KIRREL3: variants seen among roughly 807,000 people sequenced by gnomAD.
KIRREL3 encodes the protein kirre like nephrin family adhesion molecule 3.
KIRREL3 carries 36 observed loss-of-function variants against 89.7 expected under a neutral mutation model. The observed-to-expected ratio is 0.40, with a 90% CI of 0.31 to 0.53. KIRREL3 has a LOEUF of 0.53. KIRREL3 is among the 20% of genes least tolerant of loss of function. The pLI is 0.49. For missense variants in KIRREL3, 864 were observed against 1,056.6 expected (o/e 0.82, Z 2.53); for synonymous variants, 445 against 441.4 (o/e 1.01, Z -0.10).
At position 126,498,499 on chromosome 11, in the gene KIRREL3, G is replaced by T. The variant is rs1018582627; in HGVS notation, c.433+22816C>A. Among the ~76,000 whole-genome samples the T allele has an allele frequency of 2.0e-5, 3 of 152,188 alleles. No homozygotes were observed. The highest frequency in any genetic ancestry group is 6.5e-5 in the Admixed American group (1 of 15,286). ...TGTCTGTCAGGTAAGGGGTGGCAGCGAGAGATAATTATAATCAGATCTAAT... is the reference window on the plus strand; with the variant it reads ...TGTCTGTCAGGTAAGGGGTGGCAGCTAGAGATAATTATAATCAGATCTAAT... On this transcript the variant is annotated intron_variant, in intron 4 of 16. Coordinates refer to ENST00000525144, the MANE Select transcript of KIRREL3 (RefSeq NM_032531.4). The surrounding 1 kb of genome is among the most constrained non-coding windows in gnomAD (Gnocchi z 4.3).
rs934714674 is a variant in KIRREL3 at position 126,719,288 on chromosome 11, G to A, written c.56-156376C>T. ...GGTCAACTCCTTGTTGACACAAATG[G>A]CCAGCTCTTCTGTTTGAACGCCTTC... On this transcript the variant is annotated intron_variant, in intron 1 of 16. Transcript: ENST00000525144. This position sits in a 1 kb window ranked among gnomAD's most constrained non-coding sequence, Gnocchi z 4.7. 6.6e-6 allele frequency among the ~76,000 whole-genome samples: 1 copy of A among 152,168 alleles called. No homozygotes were observed. The highest frequency in any genetic ancestry group is 1.5e-5 in the Non-Finnish European group (1 of 68,040).
intron 1 of KIRREL3, among the ~76,000 whole-genome samples, chr11:126,880,538 G>C (rs1945457431): frequency 6.6e-6 from 1 of 152,032 alleles, no homozygotes; most frequent in Non-Finnish European, 1.5e-5. Flanking sequence ...AGATGTCATT[G>C]TGAAAAGCAT....
At chr11:126,450,715 G>T (rs1239661637) in intron 7 of KIRREL3, among the ~76,000 whole-genome samples, 1 of 149,164 alleles carries the variant, frequency 6.7e-6, no homozygotes, top group Non-Finnish European at 1.5e-5. Flanking sequence ...GTGCGAGTTT[G>T]TGCATGTGTG....
At position 126,996,607 on chromosome 11, in the gene KIRREL3, G is replaced by A. The variant is rs79254290; in HGVS notation, c.55+3848C>T. Among the ~76,000 whole-genome samples the A allele has an allele frequency of 6.6e-6, 1 of 152,126 alleles. No homozygotes were observed. The highest frequency in any genetic ancestry group is 1.9e-4 in the East Asian group (1 of 5,168). On this transcript the variant is annotated intron_variant, in intron 1 of 16. Transcript: ENST00000525144. The surrounding 1 kb of genome is among the most constrained non-coding windows in gnomAD (Gnocchi z 4.7). ...CACTCTATTTTACCCTTCTGTCTAC[G>A]AGATGCCTTTCTATTCCCTAGGAGA...
rs536296904 is a variant in KIRREL3, at chr11:126,473,954, C to T, written c.434-488G>A. On this transcript the variant is annotated intron_variant, in intron 4 of 16. Coordinates refer to ENST00000525144, the MANE Select transcript of KIRREL3 (RefSeq NM_032531.4). ...GACTACAAGCACGTGGTACCATGCCCGGCTAATTTTTTTTTTTTTTTGTAT... is the reference window on the plus strand; with the variant it reads ...GACTACAAGCACGTGGTACCATGCCTGGCTAATTTTTTTTTTTTTTTGTAT... 6.9e-4 allele frequency among the ~76,000 whole-genome samples: 90 copies of T among 130,842 alleles called. 1 individual carries two copies. Among genetic ancestry groups the T allele is most frequent in the Non-Finnish European group, 8.7e-4 (56 of 64,326 alleles). The allele number at this position is 130,842 out of a possible 152,430, so 85.8% of individuals were successfully genotyped here. A position where few individuals can be genotyped will look rare whatever the true frequency, so the allele number is the denominator to read the frequency against.
chr11:126,552,664 GA>G (rs1424120335), intron 2 of KIRREL3, among the ~76,000 whole-genome samples: 1 of 139,144 alleles, frequency 7.2e-6, no homozygotes, highest in Non-Finnish European at 1.5e-5. Context: ...GGGTTCAAGT[GA>G]TTCTCCTGCC....
intron 1 of KIRREL3, among the ~76,000 whole-genome samples, chr11:126,806,249 CACA>C (rs1341469768): frequency 1.3e-5 from 2 of 152,190 alleles, no homozygotes; most frequent in East Asian, 3.8e-4. Context: ...CTCATGTGCT[CACA>C]ACAACAATAT....
intron 1 of KIRREL3, among the ~76,000 whole-genome samples, chr11:126,707,669 A>G (rs1947587733): frequency 6.6e-6 from 1 of 152,196 alleles, no homozygotes; most frequent in African/African-American, 2.4e-5. Flanking sequence ...TCAGTCCCGG[A>G]TAGAATGCTT....
chr11:126,451,077 G>A (rs374958128), intron 7 of KIRREL3, among the ~76,000 whole-genome samples: 1,708 of 149,602 alleles, frequency 0.011, 33 homozygotes, highest in African/African-American at 0.039. Context: ...GTGCATGTGT[G>A]TGCGTGTGTG....
intron 4 of KIRREL3, among the ~76,000 whole-genome samples, chr11:126,493,728 C>T (rs1456124689): frequency 6.6e-6 from 1 of 151,468 alleles, no homozygotes; most frequent in African/African-American, 2.4e-5. Context: ...TTCCCTACAG[C>T]CCCCCTCACC....
In KIRREL3 at chr11:126,955,260, A is replaced by G. The variant is rs1948888563; in HGVS notation, c.55+45195T>C. ...TAACCCTGAAAGAAAGTATTTCTCT[A>G]GCAAACAGCAATGCTTTGAAAGCAA... On this transcript the variant is annotated intron_variant, in intron 1 of 16. Transcript: ENST00000525144. The surrounding 1 kb of genome is among the most constrained non-coding windows in gnomAD (Gnocchi z 4.6). Among the ~76,000 whole-genome samples, 1 of 152,362 alleles carries G rather than the reference A, an allele frequency of 6.6e-6. No individual in the cohort carries two copies. Among genetic ancestry groups the G allele is most frequent in the East Asian group, 1.9e-4 (1 of 5,188 alleles).
At chr11:126,888,473 T>C (rs1945784657) in intron 1 of KIRREL3, among the ~76,000 whole-genome samples, 1 of 152,192 alleles carries the variant, frequency 6.6e-6, no homozygotes. Flanking sequence ...ACTTCTGTCT[T>C]GATCACCACC....
rs1945582299 is a variant in KIRREL3 at position 126,664,839 on chromosome 11, A to T, written c.56-101927T>A. ...TCATCTATGAACCTCTTGTGCCCTT[A>T]GACAGGGGGGCATTCCCTGCCTCAA... On this transcript the variant is annotated intron_variant, in intron 1 of 16. Coordinates refer to ENST00000525144, the MANE Select transcript of KIRREL3 (RefSeq NM_032531.4). This position sits in a 1 kb window ranked among gnomAD's most constrained non-coding sequence, Gnocchi z 5.4. 6.6e-6 allele frequency among the ~76,000 whole-genome samples: 1 copy of T among 152,186 alleles called. No homozygotes were observed. The highest frequency in any genetic ancestry group is 1.5e-5 in the Non-Finnish European group (1 of 68,022).
At chr11:126,637,414 G>A (rs1048994177) in intron 1 of KIRREL3, among the ~76,000 whole-genome samples, 7 of 152,110 alleles carry the variant, frequency 4.6e-5, no homozygotes, top group African/African-American at 1.7e-4. Flanking sequence ...CACTGCAGAC[G>A]TTGTGCTTCC....
intron 1 of KIRREL3, chr11:126,992,339 C>T (rs1320215171): frequency 6.6e-6 from 1 of 152,198 alleles, no homozygotes; most frequent in Non-Finnish European, 1.5e-5. Flanking sequence ...TGAATTCCAC[C>T]GTGAGTCAGA....
chr11:126,966,465 C>T (rs1391093666), intron 1 of KIRREL3, among the ~76,000 whole-genome samples: 1 of 152,136 alleles, frequency 6.6e-6, no homozygotes, highest in Non-Finnish European at 1.5e-5. Context: ...CCCTCCTATC[C>T]TTGCTTTATA....
At chr11:126,944,239 G>A (rs1948551205) in intron 1 of KIRREL3, 2 of 152,076 alleles carry the variant, frequency 1.3e-5, no homozygotes, top group African/African-American at 4.8e-5. Flanking sequence ...CTGTATCTTT[G>A]GGTCTTCATT....
chr11:126,972,618 C>A (rs1440850611), intron 1 of KIRREL3, among the ~76,000 whole-genome samples: 1 of 152,168 alleles, frequency 6.6e-6, no homozygotes, highest in Non-Finnish European at 1.5e-5. Context: ...TTTAGGCCAC[C>A]ACAGAGCCTG....
At chr11:126,514,813 CCAACA>C (rs61108090) in intron 4 of KIRREL3, among the ~76,000 whole-genome samples, 57,102 of 145,552 alleles carry the variant, frequency 0.39, 11,958 homozygotes, top group East Asian at 0.75. Flanking sequence ...CATTGCCTCT[CCAACA>C]CAACACAACA....
Sources: allele counts gnomAD v4.1 joint callset (sites outside exome capture counted in the v4.1 genomes callset), GRCh38; gene constraint gnomAD v4.1.1; non-coding constraint Gnocchi (gnomAD v3.1); transcripts MANE v1.5; gene names NCBI Gene and HGNC (gene_info 2026-07-23, HGNC 2026-07-21).